ZNF518A: variants seen among roughly 807,000 people sequenced by gnomAD.
ZNF518A encodes the protein zinc finger protein 518A, also known as zinc finger protein 518.
Under a neutral mutation model 102.7 loss-of-function variants are expected in ZNF518A, and 47 were observed. The ratio of observed to expected loss-of-function variants is 0.46; its 90% CI spans 0.36 to 0.58. The LOEUF (loss-of-function observed/expected upper bound fraction) is 0.58, where lower values mean the gene tolerates loss of function less well. ZNF518A is among the 20% of genes least tolerant of loss of function. The probability of loss-of-function intolerance (pLI) is 0.00; values close to 1 mark genes in which losing one functional copy is unlikely to be tolerated. For missense variants in ZNF518A, 1,793 were observed against 1,699.8 expected, an observed-to-expected ratio of 1.05 and a Z score of -0.96; for synonymous variants, 652 against 594.6, an observed-to-expected ratio of 1.10 and a Z score of -1.40.
intron 1 of ZNF518A, among the ~76,000 whole-genome samples, chr10:96,178,980 A>G (rs1198660955): frequency 6.6e-6 from 1 of 152,150 alleles, no homozygotes; most frequent in Non-Finnish European, 1.5e-5. Context: ...TATCAAATGT[A>G]TTAGGAATAA....
At chr10:96,134,152 C>A (rs1335516749) in intron 3 of ZNF518A, among the ~76,000 whole-genome samples, 1 of 152,166 alleles carries the variant, frequency 6.6e-6, no homozygotes, top group Non-Finnish European at 1.5e-5. Context: ...GGATATTCAG[C>A]CAGTAAGTAA....
At chr10:96,177,464 T>C (rs1397996539) in intron 1 of ZNF518A, among the ~76,000 whole-genome samples, 1 of 152,246 alleles carries the variant, frequency 6.6e-6, no homozygotes, top group Non-Finnish European at 1.5e-5. Context: ...CCTCATTGTT[T>C]AATTTCTTTT....
At chr10:96,177,078 CA>C (rs141613606) in intron 1 of ZNF518A, among the ~76,000 whole-genome samples, 51,639 of 124,480 alleles carry the variant, frequency 0.41, 9,916 homozygotes, top group Middle Eastern at 0.54. Context: ...GTCTCTGTCT[CA>C]AAAAAAAAAA....
At chr10:96,152,334 A>G (rs587672099) in intron 3 of ZNF518A, among the ~76,000 whole-genome samples, 75 of 152,292 alleles carry the variant, frequency 4.9e-4, no homozygotes, top group African/African-American at 1.7e-3. Context: ...AAAACCAGCA[A>G]TCTTTGTTGG....
Position 96,159,116 on chromosome 10 carries a change from G to T in ZNF518A, c.2794G>T (p.Val932Phe). 6.2e-7 allele frequency: 1 copy of T among 1,611,614 alleles called. No homozygotes were observed. Among genetic ancestry groups the T allele is most frequent in the Admixed American group, 1.7e-5 (1 of 59,460 alleles). The part of the protein sequence containing the change: ...LNSEQKKTII[V>F]QTSKGFLIPL... ...TTCAGAACAAAAAAAAACTATAATT[G>T]TTCAGACTTCAAAAGGATTCTTAAT... is the stretch of plus-strand genomic sequence containing the variant. The change falls in exon 6 of 6, where the codon GTT becomes TTT. Residue 932 changes from valine (V) to phenylalanine (F), a missense_variant. Physicochemically the swap from Val to Phe is conservative, Grantham distance 50. Transcript: ENST00000316045.
chr10:96,204,182 T>C, downstream of ZNF518A: 1 of 1,341,672 alleles, frequency 7.5e-7, no homozygotes, highest in Non-Finnish European at 1.1e-6. Context: ...AACAGGCACA[T>C]CACAAATAAA....
In ZNF518A at chr10:96,163,002, CTGTT is replaced by C. The variant is rs1212271079; in HGVS notation, c.*2233_*2236del. The C allele has an allele frequency of 6.6e-6, 1 of 152,026 alleles. No individual in the cohort carries two copies. The highest frequency in any genetic ancestry group is 2.0e-4 in the East Asian group (1 of 4,896). The allele number at this position is 152,026 out of a possible 1,614,324, so 9.4% of individuals were successfully genotyped here. ...CTAACAGCAATAAAATTAAAATGCT[CTGTT>C]TGTTACATATAGATCTGTTATGAGA... On this transcript the variant is annotated 3_prime_UTR_variant, in exon 6 of 6. Transcript: ENST00000316045.
downstream of ZNF518A, among the ~76,000 whole-genome samples, chr10:96,166,557 A>C (rs2083141930): frequency 6.6e-6 from 1 of 152,158 alleles, no homozygotes; most frequent in African/African-American, 2.4e-5. Context: ...TCACAAGGTC[A>C]GGAGATCGAG....
chr10:96,193,486 G>A (rs1231474827), intron 1 of ZNF518A, among the ~76,000 whole-genome samples: 1 of 152,120 alleles, frequency 6.6e-6, no homozygotes, highest in Non-Finnish European at 1.5e-5. Flanking sequence ...TGGTGTTCGG[G>A]GATTGAAGTG....
At position 96,159,949 on chromosome 10, in the gene ZNF518A, T is replaced by C. The variant is rs1554886648; in HGVS notation, c.3627T>C (p.Thr1209=). Residue 1209 remains threonine (T), a synonymous_variant, in exon 6 of 6, where the codon ACT becomes ACC. Transcript: ENST00000316045. ...TGCCAGCAAATGAAATTGTGATAACTTCTACTGCAACATGCCCAGAATCTT... is the reference window on the plus strand; with the variant it reads ...TGCCAGCAAATGAAATTGTGATAACCTCTACTGCAACATGCCCAGAATCTT... The part of the protein sequence containing the change: ...DLMPANEIVI[T]STATCPESSE... 2.5e-6 allele frequency: 4 copies of C among 1,613,396 alleles called. No homozygotes were observed. The South Asian group carries it at 4.4e-5, about 18-fold the overall frequency.
At chr10:96,183,885 C>T (rs979062787) in intron 1 of ZNF518A, among the ~76,000 whole-genome samples, 18 of 152,158 alleles carry the variant, frequency 1.2e-4, no homozygotes, top group Admixed American at 2.6e-4. Flanking sequence ...CCTTCTGTCT[C>T]GTTGATCTGT....
chr10:96,203,997 A>G lies in ZNF518A; in HGVS notation n.168A>G, dbSNP rs1317749402. ...TGCTGTGTTAGAACCCAGGCCTATC[A>G]GACTCTAGGATCCAGCCTCGACCAC... On this transcript the variant is annotated non_coding_transcript_exon_variant, in exon 3 of 3. Coordinates refer to the ZNF518A transcript ENST00000442635. The G allele has an allele frequency of 1.0e-5, 15 of 1,453,264 alleles. No individual in the cohort carries two copies. In the East Asian group the frequency reaches 3.2e-4, roughly 31 times the overall value. The allele number at this position is 1,453,264 out of a possible 1,614,324, so 90.0% of individuals were successfully genotyped here.
At position 96,200,045 on chromosome 10, in the gene ZNF518A, A is replaced by T; in HGVS notation, n.36-3529A>T. Reference sequence around the variant, plus strand: ...ACAAATAAATAAAATAAAATAAAATAAAAATAATAAATAATAAAAATGATC... The same window carrying T: ...ACAAATAAATAAAATAAAATAAAATTAAAATAATAAATAATAAAAATGATC... On this transcript the variant is annotated intron_variant and non_coding_transcript_variant, in intron 1 of 2. Transcript: ENST00000442635. This position sits in a 1 kb window ranked among gnomAD's most constrained non-coding sequence, Gnocchi z 4.3. 1 of 1,349,186 alleles carries T rather than the reference A, an allele frequency of 7.4e-7. No individual in the cohort carries two copies. The highest frequency in any genetic ancestry group is 9.7e-7 in the Non-Finnish European group (1 of 1,032,334). 83.6% of individuals were successfully genotyped at this position (1,349,186 alleles called of 1,614,324 possible). A position where few individuals can be genotyped will look rare whatever the true frequency, so the allele number is the denominator to read the frequency against.
intron 2 of ZNF518A, chr10:96,132,909 TA>T (rs2081409912): frequency 1.3e-5 from 2 of 151,844 alleles, no homozygotes; most frequent in African/African-American, 4.8e-5. Flanking sequence ...TCTAAAATCC[TA>T]AAAAAGAAAA....
intron 1 of ZNF518A, among the ~76,000 whole-genome samples, chr10:96,196,378 C>T (rs1554894676): frequency 6.6e-6 from 1 of 152,172 alleles, no homozygotes; most frequent in East Asian, 1.9e-4. Flanking sequence ...ATTAAAGAGG[C>T]ATTAAAGTTA....
At chr10:96,141,991 C>T (rs2081951180) in intron 3 of ZNF518A, among the ~76,000 whole-genome samples, 2 of 152,162 alleles carry the variant, frequency 1.3e-5, no homozygotes, top group Admixed American at 6.5e-5. Flanking sequence ...GTTCTCCTGC[C>T]TCTGCCTCCC....
At position 96,159,288 on chromosome 10, in the gene ZNF518A, G is replaced by C; in HGVS notation, c.2966G>C (p.Gly989Ala). 4 of 1,613,366 alleles carry C rather than the reference G, an allele frequency of 2.5e-6. No individual in the cohort carries two copies. The highest frequency in any genetic ancestry group is 3.4e-6 in the Non-Finnish European group (4 of 1,179,650). Residue 989 changes from glycine (G) to alanine (A), a missense_variant, in exon 6 of 6, where the codon GGT (glycine) becomes GCT (alanine). This residue lies in a region of ZNF518A where 1,741 missense variants were observed against 1,622.6 expected (regional missense o/e 1.07). Coordinates refer to ENST00000316045, the MANE Select transcript of ZNF518A (RefSeq NM_001330736.2). ...VLTLNNGKLE[G>A]VSAVKTEGAP... ...ACACTTAATAATGGGAAACTTGAAG[G>C]TGTTTCCGCTGTCAAAACCGAGGGT...
intron 1 of ZNF518A, among the ~76,000 whole-genome samples, chr10:96,183,954 C>T (rs1342697219): frequency 6.6e-6 from 1 of 152,144 alleles, no homozygotes; most frequent in East Asian, 1.9e-4. Flanking sequence ...ATCTAAATCT[C>T]TTTGTAGGTC....
At chr10:96,184,125 G>A (rs2083256698) in intron 1 of ZNF518A, among the ~76,000 whole-genome samples, 1 of 151,132 alleles carries the variant, frequency 6.6e-6, no homozygotes, top group South Asian at 2.1e-4. Context: ...ATCAGACTAG[G>A]ATTGCATTTT....
Sources: allele counts gnomAD v4.1 joint callset (sites outside exome capture counted in the v4.1 genomes callset), GRCh38; gene constraint gnomAD v4.1.1; regional missense constraint gnomAD v4.1.1; non-coding constraint Gnocchi (gnomAD v3.1); transcripts MANE v1.5; gene names NCBI Gene and HGNC (gene_info 2026-07-23, HGNC 2026-07-21).